The following NRG3 variants were observed in gnomAD, a reference collection of about 807,000 sequenced individuals.
The protein encoded by NRG3 is neuregulin 3, also known as pro-neuregulin-3, membrane-bound isoform.
NRG3 carries 31 observed loss-of-function variants against 66.9 expected under a neutral mutation model. The observed-to-expected ratio is 0.46, with a 90% confidence interval of 0.35 to 0.63. The LOEUF (loss-of-function observed/expected upper bound fraction) is 0.63. NRG3 is among the 20% of genes least tolerant of loss of function. NRG3 has a pLI of 0.00. For synonymous variants in NRG3, 393 were observed against 359.4 expected (o/e 1.09, Z -1.06); for missense variants, 910 against 878.9 (o/e 1.04, Z -0.45).
At chr10:82,925,248 A>G (rs1291287450) in intron 4 of NRG3, among the ~76,000 whole-genome samples, 1 of 152,212 alleles carries the variant, frequency 6.6e-6, no homozygotes, top group Admixed American at 6.5e-5. Context: ...ACAGAAGTAC[A>G]GGAAGACAGT....
chr10:81,912,601 G>C (rs1213142999), intron 1 of NRG3, among the ~76,000 whole-genome samples: 1 of 152,216 alleles, frequency 6.6e-6, no homozygotes, highest in African/African-American at 2.4e-5. Flanking sequence ...AGGTAGCAGA[G>C]TGTTATAAGA....
At chr10:82,725,342 A>G (rs2057537216) in intron 2 of NRG3, among the ~76,000 whole-genome samples, 1 of 152,154 alleles carries the variant, frequency 6.6e-6, no homozygotes, top group Admixed American at 6.5e-5. Context: ...TTTGATCATC[A>G]CCTTATTCTT....
intron 1 of NRG3, among the ~76,000 whole-genome samples, chr10:82,234,432 C>T (rs1287136887): frequency 6.6e-6 from 1 of 152,134 alleles, no homozygotes; most frequent in African/African-American, 2.4e-5. Context: ...TTACTTGTGA[C>T]CTTATTTTGT....
intron 1 of NRG3, among the ~76,000 whole-genome samples, chr10:81,997,867 C>CTT (rs58891996): frequency 7.1e-6 from 1 of 140,856 alleles, no homozygotes; most frequent in Admixed American, 7.0e-5. Flanking sequence ...AAAGGCCCAA[C>CTT]TTTTTTTTTT....
At chr10:82,375,231 A>G (rs2085141502) in intron 2 of NRG3, among the ~76,000 whole-genome samples, 1 of 152,134 alleles carries the variant, frequency 6.6e-6, no homozygotes, top group Admixed American at 6.5e-5. Context: ...AACTCACCCG[A>G]GGCTTTAAAA....
chr10:82,693,909 T>C (rs1188389216), intron 2 of NRG3, among the ~76,000 whole-genome samples: 4 of 152,238 alleles, frequency 2.6e-5, no homozygotes, highest in African/African-American at 9.6e-5. Context: ...CACTGGTGGT[T>C]GGCATGGCCA....
chr10:82,886,787 C>A (rs1381482974), intron 4 of NRG3, among the ~76,000 whole-genome samples: 1 of 152,172 alleles, frequency 6.6e-6, no homozygotes, highest in Non-Finnish European at 1.5e-5. Context: ...TAGCTATCTG[C>A]TACTAGGCAT....
chr10:82,477,184 C>A (rs1841862943), intron 2 of NRG3, among the ~76,000 whole-genome samples: 1 of 151,990 alleles, frequency 6.6e-6, no homozygotes, highest in Non-Finnish European at 1.5e-5. Context: ...CAGAATGCAC[C>A]AGGAGAATAA....
intron 4 of NRG3, among the ~76,000 whole-genome samples, chr10:82,881,978 T>C (rs537226997): frequency 6.6e-6 from 1 of 152,302 alleles, no homozygotes; most frequent in East Asian, 1.9e-4. Flanking sequence ...CCAAATACTA[T>C]AGAATTTTAG....
At chr10:81,961,183 T>G (rs1375702735) in intron 1 of NRG3, among the ~76,000 whole-genome samples, 1 of 152,236 alleles carries the variant, frequency 6.6e-6, no homozygotes, top group African/African-American at 2.4e-5. Context: ...CATGTATAAT[T>G]TAATACACAT....
chr10:82,683,991 G>A (rs1465057695), intron 2 of NRG3, among the ~76,000 whole-genome samples: 1 of 151,042 alleles, frequency 6.6e-6, no homozygotes, highest in African/African-American at 2.4e-5. Flanking sequence ...TTTGCAAACA[G>A]GAGGCTTCCC....
chr10:82,896,261 G>T (rs1247255680), intron 4 of NRG3, among the ~76,000 whole-genome samples: 2 of 152,160 alleles, frequency 1.3e-5, no homozygotes, highest in Non-Finnish European at 2.9e-5. Context: ...ACCTGATGAG[G>T]TCCTACCACA....
intron 4 of NRG3, among the ~76,000 whole-genome samples, chr10:82,913,750 A>G (rs1037234658): frequency 6.6e-6 from 1 of 151,906 alleles, no homozygotes; most frequent in Non-Finnish European, 1.5e-5. Flanking sequence ...TTTTGTTTTG[A>G]TTTTGTGCAG....
intron 2 of NRG3, among the ~76,000 whole-genome samples, chr10:82,462,066 G>T (rs2091541386): frequency 6.6e-6 from 1 of 152,122 alleles, no homozygotes; most frequent in African/African-American, 2.4e-5. Flanking sequence ...GGGAGGCGGA[G>T]GTGGCGGTGA....
intron 2 of NRG3, among the ~76,000 whole-genome samples, chr10:82,648,543 A>G (rs1484264372): frequency 7.9e-5 from 12 of 152,174 alleles, no homozygotes; most frequent in Non-Finnish European, 2.9e-5. Context: ...TTCTGTGAAG[A>G]AAGTCATTGG....
rs539567640 is a variant in NRG3 at position 81,952,013 on chromosome 10, A to G, written c.823+75850A>G. Among the ~76,000 whole-genome samples the G allele has an allele frequency of 2.6e-5, 4 of 152,158 alleles. No individual in the cohort carries two copies. In the South Asian group the frequency reaches 8.3e-4, roughly 32 times the overall value. Reference sequence around the variant, plus strand: ...TGGAAACCATCATTCTCAGCAAACTATCACAAGGACAAAAAACCAAACACC... The same window carrying G: ...TGGAAACCATCATTCTCAGCAAACTGTCACAAGGACAAAAAACCAAACACC... On this transcript the variant is annotated intron_variant, in intron 1 of 8. Coordinates refer to ENST00000372141, the MANE Select transcript of NRG3 (RefSeq NM_001010848.4).
At chr10:82,866,962 A>G (rs1311730891) in intron 4 of NRG3, among the ~76,000 whole-genome samples, 1 of 152,182 alleles carries the variant, frequency 6.6e-6, no homozygotes, top group Non-Finnish European at 1.5e-5. Flanking sequence ...TGATAATGCT[A>G]GGGTTGGGAC....
intron 1 of NRG3, chr10:81,889,663 C>G (rs938948302): frequency 6.6e-6 from 1 of 152,146 alleles, no homozygotes; most frequent in Non-Finnish European, 1.5e-5. Flanking sequence ...TTTCACTGAT[C>G]AGGTAATTTT....
chr10:82,297,336 C>A (rs1564763264), intron 1 of NRG3, among the ~76,000 whole-genome samples: 2 of 151,174 alleles, frequency 1.3e-5, no homozygotes, highest in Admixed American at 6.6e-5. Context: ...TAGTTCTATT[C>A]TTAGTTCTTT....
Sources: gnomAD v4.1 joint callset for allele counts (sites outside exome capture counted in the v4.1 genomes callset) on GRCh38, gnomAD v4.1.1 for gene constraint, MANE v1.5 for transcripts, NCBI Gene and HGNC (gene_info 2026-07-23, HGNC 2026-07-21) for gene names.